Variants in MAPK10 observed in about 807,000 individuals in gnomAD.
MAPK10 encodes the protein JNK3 alpha protein kinase.
In MAPK10, 25 loss-of-function variants were observed where a neutral mutation model predicts 59.3. The observed-to-expected ratio is 0.42, with a 90% CI of 0.31 to 0.59. The LOEUF is 0.59. MAPK10 is among the 20% of genes least tolerant of loss of function. The pLI is 0.15. For synonymous variants in MAPK10, 190 were observed against 200.5 expected (o/e 0.95, Z 0.44); for missense variants, 351 against 568.9 (o/e 0.62, Z 3.90).
chr4:86,354,761 G>A lies in MAPK10; in HGVS notation c.-121-117C>T, dbSNP rs573506579. 3 of 395,080 alleles carry A rather than the reference G, an allele frequency of 7.6e-6. No homozygotes were observed. In the Admixed American group the frequency reaches 1.3e-4, roughly 17 times the overall value. 24.5% of individuals were successfully genotyped at this position (395,080 alleles called of 1,614,324 possible). A position where few individuals can be genotyped will look rare whatever the true frequency, so the allele number is the denominator to read the frequency against. On this transcript the variant is annotated intron_variant, in intron 1 of 13. Transcript: ENST00000641462. ...TACTGGGTGGGTGAGTGTAGGCAGA[G>A]GAAAGAAAATATCTCAAGGTAATTA... is the stretch of plus-strand genomic sequence containing the variant.
intron 1 of MAPK10, among the ~76,000 whole-genome samples, chr4:86,490,919 A>G (rs2149075145): frequency 6.6e-6 from 1 of 152,346 alleles, no homozygotes; most frequent in South Asian, 2.1e-4. Context: ...ACTACTATGT[A>G]CCAGATACTG....
chr4:86,538,488 G>A (rs1054179609), intron 1 of MAPK10, among the ~76,000 whole-genome samples: 4 of 152,184 alleles, frequency 2.6e-5, no homozygotes, highest in African/African-American at 9.7e-5. Flanking sequence ...ATTTCTGGGA[G>A]ACAAACCTCC....
At chr4:86,157,192 A>C (rs1390212249) in intron 4 of MAPK10, among the ~76,000 whole-genome samples, 1 of 151,984 alleles carries the variant, frequency 6.6e-6, no homozygotes, top group Non-Finnish European at 1.5e-5. Flanking sequence ...AAACCCAATA[A>C]CAAGTTTAAG....
At chr4:86,163,247 CA>C (rs1318641405) in intron 3 of MAPK10, among the ~76,000 whole-genome samples, 1 of 152,214 alleles carries the variant, frequency 6.6e-6, no homozygotes, top group East Asian at 1.9e-4. Flanking sequence ...GAGCTTCCCC[CA>C]GATCCCATCT....
chr4:86,082,680 T>TAAAGGA (rs2050907224), intron 9 of MAPK10, among the ~76,000 whole-genome samples: 1 of 152,190 alleles, frequency 6.6e-6, no homozygotes, highest in African/African-American at 2.4e-5. Flanking sequence ...CAAGGGAATG[T>TAAAGGA]AAAGGAACTT....
At chr4:86,531,345 C>A (rs1407456386) in intron 1 of MAPK10, among the ~76,000 whole-genome samples, 1 of 152,146 alleles carries the variant, frequency 6.6e-6, no homozygotes. Context: ...GGTACATGGT[C>A]TACAATCAGA....
chr4:86,432,680 G>C (rs1483017149), intron 1 of MAPK10, among the ~76,000 whole-genome samples: 1 of 152,174 alleles, frequency 6.6e-6, no homozygotes, highest in African/African-American at 2.4e-5. Context: ...CCTAAGGGCT[G>C]GATCCAATGA....
intron 2 of MAPK10, among the ~76,000 whole-genome samples, chr4:86,266,204 C>T (rs1397363115): frequency 2.0e-5 from 3 of 152,190 alleles, no homozygotes; most frequent in Non-Finnish European, 4.4e-5. Flanking sequence ...AGTTCAGTTT[C>T]ACCAGGTTAA....
chr4:86,554,327 A>G (rs1256541791), intron 1 of MAPK10, among the ~76,000 whole-genome samples: 2 of 152,142 alleles, frequency 1.3e-5, no homozygotes, highest in African/African-American at 4.8e-5. Flanking sequence ...TCCAATTCTA[A>G]CCTATCTTCA....
At chr4:86,471,795 A>G (rs541085830) in intron 1 of MAPK10, among the ~76,000 whole-genome samples, 1 of 152,294 alleles carries the variant, frequency 6.6e-6, no homozygotes, top group South Asian at 2.1e-4. Context: ...TTCAACAAAG[A>G]GAAACCCAGG....
At chr4:86,299,477 A>G (rs2148840966) in intron 2 of MAPK10, among the ~76,000 whole-genome samples, 1 of 152,296 alleles carries the variant, frequency 6.6e-6, no homozygotes, top group East Asian at 1.9e-4. Flanking sequence ...GTGAGGTTAA[A>G]GCAAAAAGAT....
chr4:86,159,400 T>A lies in MAPK10; in HGVS notation c.134A>T (p.Asp45Val), dbSNP rs1246508426. Residue 45 changes from aspartate to valine, a missense_variant, in exon 4 of 14, where the codon GAC (aspartate) becomes GTC (valine). By Grantham distance (152) the Asp-to-Val change is radical. Around this residue, in one of 5 missense-constraint regions of MAPK10, gnomAD observed 61 missense variants for 58.4 expected, o/e 1.05. Coordinates refer to ENST00000641462, the MANE Select transcript of MAPK10 (RefSeq NM_138982.4). ...KHYNMSKSKVDNQFYSVEVGD... is the reference protein window; with the variant it reads ...KHYNMSKSKVVNQFYSVEVGD... Reference sequence around the variant, plus strand: ...CACTTCCACACTGTAGAACTGGTTGTCAACTTTGCTTTTGCTCATGTTGTA... The same window carrying A: ...CACTTCCACACTGTAGAACTGGTTGACAACTTTGCTTTTGCTCATGTTGTA... 2 of 1,612,724 alleles carry A rather than the reference T, an allele frequency of 1.2e-6. No individual in the cohort carries two copies. Among genetic ancestry groups the A allele is most frequent in the African/African-American group, 2.7e-5 (2 of 74,810 alleles).
chr4:86,267,964 T>C (rs2094311524), intron 2 of MAPK10, among the ~76,000 whole-genome samples: 1 of 152,194 alleles, frequency 6.6e-6, no homozygotes, highest in Non-Finnish European at 1.5e-5. Flanking sequence ...AGCAAGTCTC[T>C]CTATTTTCTT....
intron 4 of MAPK10, among the ~76,000 whole-genome samples, chr4:86,139,271 A>G (rs868312610): frequency 0.011 from 1,586 of 143,138 alleles, 50 homozygotes; most frequent in African/African-American, 0.044. Flanking sequence ...CACACTACCT[A>G]ACTTCAAACT....
rs914082158 is a variant in MAPK10, at chr4:86,208,588, C to T, written c.-6-14181G>A. 1.5e-4 allele frequency among the ~76,000 whole-genome samples: 23 copies of T among 151,944 alleles called. No homozygotes were observed. The Middle Eastern group carries it at 0.01, about 67-fold the overall frequency. Reference sequence around the variant, plus strand: ...TAAATTAGATATTGATGGGACGTATCTCAAAATAATAAGAGCTATCTATGA... The same window carrying T: ...TAAATTAGATATTGATGGGACGTATTTCAAAATAATAAGAGCTATCTATGA... On this transcript the variant is annotated intron_variant, in intron 2 of 13. Coordinates refer to ENST00000641462, the MANE Select transcript of MAPK10 (RefSeq NM_138982.4).
intron 2 of MAPK10, among the ~76,000 whole-genome samples, chr4:86,239,464 A>G (rs946882795): frequency 2.0e-5 from 3 of 152,080 alleles, no homozygotes; most frequent in Non-Finnish European, 4.4e-5. Context: ...TTAGCTGTGA[A>G]TCCGTCTGGT....
intron 1 of MAPK10, among the ~76,000 whole-genome samples, chr4:86,377,240 T>G (rs905723991): frequency 2.0e-5 from 3 of 152,216 alleles, no homozygotes; most frequent in African/African-American, 7.2e-5. Flanking sequence ...TTAAGGCAAT[T>G]CTTTTGCAGG....
At chr4:86,250,581 A>G (rs1359483108) in intron 2 of MAPK10, among the ~76,000 whole-genome samples, 1 of 152,188 alleles carries the variant, frequency 6.6e-6, no homozygotes, top group East Asian at 1.9e-4. Flanking sequence ...CTTATCTCTG[A>G]AAATTTAATT....
At chr4:86,052,229 C>T (rs951260925) in intron 11 of MAPK10, among the ~76,000 whole-genome samples, 1 of 151,960 alleles carries the variant, frequency 6.6e-6, no homozygotes, top group African/African-American at 2.4e-5. Flanking sequence ...TTTAAAATTA[C>T]CCGAAGACAA....
Sources: allele counts gnomAD v4.1 joint callset (sites outside exome capture counted in the v4.1 genomes callset), GRCh38; gene constraint gnomAD v4.1.1; regional missense constraint gnomAD v4.1.1; transcripts MANE v1.5; gene names NCBI Gene and HGNC (gene_info 2026-07-23, HGNC 2026-07-21).